The following RAB22A variants were observed in gnomAD, a reference collection of about 807,000 sequenced individuals.
RAB22A encodes RAB22A, member RAS oncogene family.
Under a neutral mutation model 30.2 loss-of-function variants are expected in RAB22A, and 13 were observed. The observed-to-expected ratio is 0.43, with a 90% CI of 0.28 to 0.68. The LOEUF (loss-of-function observed/expected upper bound fraction) is 0.68, where lower values mean the gene tolerates loss of function less well. Among genes scored for constraint, RAB22A ranks in the 30% least tolerant of loss-of-function variants. RAB22A has a pLI of 0.18. For synonymous variants in RAB22A, 89 were observed against 87.2 expected, an observed-to-expected ratio of 1.02 and a Z score of -0.11; for missense variants, 177 against 246.8, an observed-to-expected ratio of 0.72 and a Z score of 1.89.
At position 58,333,307 on chromosome 20, in the gene RAB22A, A is replaced by AAATAAATAAATCAATC. The variant is rs1193519347; in HGVS notation, c.117-10408_117-10407insAAATAAATCAATCAAT. ...TAAATAAATAAATAAATAAATAAAT[A>AAATAAATAAATCAATC]AATCCCGCCAGCTAATTCTGTATCC... On this transcript the variant is annotated intron_variant, in intron 2 of 6. Transcript: ENST00000244040. Among the ~76,000 whole-genome samples, 18 of 151,652 alleles carry AAATAAATAAATCAATC rather than the reference A, an allele frequency of 1.2e-4. No homozygotes were observed. The South Asian group carries it at 2.3e-3, about 19-fold the overall frequency.
chr20:58,329,846 A>G (rs1303232051), intron 2 of RAB22A, among the ~76,000 whole-genome samples: 1 of 151,950 alleles, frequency 6.6e-6, no homozygotes, highest in Non-Finnish European at 1.5e-5. Flanking sequence ...ATCTGTCTTT[A>G]TCTTAGTTGA....
chr20:58,342,274 C>G lies in RAB22A; in HGVS notation c.117-1444C>G, dbSNP rs539601972. Among the ~76,000 whole-genome samples, 9 of 152,292 alleles carry G rather than the reference C, an allele frequency of 5.9e-5. No individual in the cohort carries two copies. The South Asian group carries it at 1.7e-3, about 28-fold the overall frequency. ...CTAAGGATACCAAGGGGTAAATTTT[C>G]AGTAAATAAATATCCAATAAGTAGT... On this transcript the variant is annotated intron_variant, in intron 2 of 6. Coordinates refer to ENST00000244040, the MANE Select transcript of RAB22A (RefSeq NM_020673.3).
intron 2 of RAB22A, among the ~76,000 whole-genome samples, chr20:58,319,275 A>G (rs982048879): frequency 1.3e-5 from 2 of 152,368 alleles, no homozygotes; most frequent in African/African-American, 2.4e-5. Flanking sequence ...AAAACAAAGC[A>G]TAAAAAGAAG....
chr20:58,338,683 C>G (rs543573688), intron 2 of RAB22A, among the ~76,000 whole-genome samples: 2 of 152,208 alleles, frequency 1.3e-5, no homozygotes, highest in Non-Finnish European at 2.9e-5. Flanking sequence ...TCAGCTAACC[C>G]TCACTGAGAA....
At chr20:58,349,159 C>T (rs1225649708) in intron 3 of RAB22A, among the ~76,000 whole-genome samples, 1 of 152,072 alleles carries the variant, frequency 6.6e-6, no homozygotes, top group Non-Finnish European at 1.5e-5. Context: ...TGCCCTCCCA[C>T]AGCTAAAAAT....
chr20:58,336,756 G>A (rs1986762529), intron 2 of RAB22A, among the ~76,000 whole-genome samples: 1 of 152,106 alleles, frequency 6.6e-6, no homozygotes, highest in Non-Finnish European at 1.5e-5. Context: ...GCATAAATGG[G>A]GTGGCGGAGC....
At chr20:58,352,826 C>G (rs60970897) in intron 3 of RAB22A, among the ~76,000 whole-genome samples, 8,470 of 152,272 alleles carry the variant, frequency 0.056, 526 homozygotes, top group African/African-American at 0.15. Flanking sequence ...GTACTCATTT[C>G]TGAAGGACAA....
intron 2 of RAB22A, among the ~76,000 whole-genome samples, chr20:58,328,183 T>A (rs1360560959): frequency 2.0e-5 from 3 of 151,958 alleles, no homozygotes; most frequent in Non-Finnish European, 2.9e-5. Context: ...GCGAAAAAAA[T>A]GTTATATATA....
intron 3 of RAB22A, among the ~76,000 whole-genome samples, chr20:58,345,058 A>G (rs939529429): frequency 6.6e-6 from 1 of 152,066 alleles, no homozygotes; most frequent in African/African-American, 2.4e-5. Context: ...AGAATCCTGA[A>G]TATATCTGTA....
intron 3 of RAB22A, among the ~76,000 whole-genome samples, chr20:58,344,907 C>T (rs1986920420): frequency 6.6e-6 from 1 of 152,190 alleles, no homozygotes; most frequent in African/African-American, 2.4e-5. Context: ...TCCCATTACT[C>T]ATCTAAGATA....
chr20:58,359,463 TA>T, intron 6 of RAB22A, 142 bp from the exon 7 acceptor site: 1 of 553,574 alleles, frequency 1.8e-6, no homozygotes, highest in Non-Finnish European at 3.0e-6. Flanking sequence ...TCTATAAATC[TA>T]AAATTATTCG....
chr20:58,358,551 T>C (rs1987171930), intron 6 of RAB22A, among the ~76,000 whole-genome samples: 1 of 152,050 alleles, frequency 6.6e-6, no homozygotes, highest in Non-Finnish European at 1.5e-5. Flanking sequence ...AGAGAAATGG[T>C]TAAATGAATG....
rs1987278373 is a variant in RAB22A at position 58,364,352 on chromosome 20, C to T, written c.*4649C>T. 6.6e-6 allele frequency: 1 copy of T among 152,148 alleles called. No homozygotes were observed. Among genetic ancestry groups the T allele is most frequent in the East Asian group, 1.9e-4 (1 of 5,200 alleles). 9.4% of individuals were successfully genotyped at this position (152,148 alleles called of 1,614,324 possible). On this transcript the variant is annotated 3_prime_UTR_variant, in exon 7 of 7. Coordinates refer to ENST00000244040, the MANE Select transcript of RAB22A (RefSeq NM_020673.3). ...TGATGGTCTATACCATCAGAAATAA[C>T]TAATATCTGTTTTCTTTCCTTTTAG... is the stretch of plus-strand genomic sequence containing the variant.
chr20:58,314,141 C>T (rs552616779), intron 2 of RAB22A, among the ~76,000 whole-genome samples: 1 of 152,070 alleles, frequency 6.6e-6, no homozygotes, highest in South Asian at 2.1e-4. Flanking sequence ...CTCTGCCTCC[C>T]ATGTTGAAGC....
At chr20:58,355,119 G>A (rs1482155153) in intron 6 of RAB22A, among the ~76,000 whole-genome samples, 2 of 152,198 alleles carry the variant, frequency 1.3e-5, no homozygotes, top group African/African-American at 4.8e-5. Context: ...GCAGAAAGCC[G>A]TCAGAGCAGG....
intron 2 of RAB22A, among the ~76,000 whole-genome samples, chr20:58,314,343 G>T (rs1296795569): frequency 6.6e-6 from 1 of 152,078 alleles, no homozygotes; most frequent in Non-Finnish European, 1.5e-5. Context: ...GGGATTACAG[G>T]CATGAGCCAC....
At chr20:58,333,581 A>G (rs996111365) in intron 2 of RAB22A, among the ~76,000 whole-genome samples, 4 of 152,228 alleles carry the variant, frequency 2.6e-5, no homozygotes, top group African/African-American at 4.8e-5. Flanking sequence ...CAGGAGCACA[A>G]TGGATGGGAG....
At chr20:58,352,046 T>C (rs1987059327) in intron 3 of RAB22A, among the ~76,000 whole-genome samples, 1 of 152,006 alleles carries the variant, frequency 6.6e-6, no homozygotes, top group African/African-American at 2.4e-5. Flanking sequence ...AAAACAGACA[T>C]GAAAACAAGG....
intron 2 of RAB22A, among the ~76,000 whole-genome samples, chr20:58,342,200 C>G (rs1171360943): frequency 6.6e-6 from 1 of 152,188 alleles, no homozygotes; most frequent in East Asian, 1.9e-4. Context: ...ACCAAAAGTT[C>G]TTGATACAAT....
Sources: allele counts gnomAD v4.1 joint callset (sites outside exome capture counted in the v4.1 genomes callset), GRCh38; gene constraint gnomAD v4.1.1; transcripts MANE v1.5; gene names NCBI Gene and HGNC (gene_info 2026-07-23, HGNC 2026-07-21).